The following DNER variants were observed in gnomAD, a reference collection of about 807,000 sequenced individuals.
The protein encoded by DNER is delta/notch like EGF repeat containing, also known as delta and Notch-like epidermal growth factor-related receptor.
A neutral mutation model predicts 78.2 loss-of-function variants in DNER; 33 were observed. That is an observed-to-expected ratio of 0.42 (90% CI 0.32 to 0.56). DNER has a LOEUF of 0.56. Ranked by LOEUF, DNER falls within the 20% of genes least tolerant of loss-of-function variation. The pLI, the probability that DNER is intolerant of heterozygous loss-of-function variation, is 0.11. For missense variants in DNER, 918 were observed against 975.3 expected (o/e 0.94, Z 0.78); for synonymous variants, 417 against 384.8 (o/e 1.08, Z -0.98).
chr2:229,481,788 A>G (rs1488971711), intron 6 of DNER, among the ~76,000 whole-genome samples: 1 of 152,206 alleles, frequency 6.6e-6, no homozygotes, highest in Non-Finnish European at 1.5e-5. Flanking sequence ...CACCCAGAGG[A>G]CCTCGTAGAA....
At chr2:229,552,336 C>A (rs1195547533) in intron 4 of DNER, among the ~76,000 whole-genome samples, 1 of 152,150 alleles carries the variant, frequency 6.6e-6, no homozygotes, top group Non-Finnish European at 1.5e-5. Flanking sequence ...AAATGTTTGG[C>A]CCAATAATAT....
intron 9 of DNER, among the ~76,000 whole-genome samples, chr2:229,410,578 C>T (rs760159434): frequency 6.6e-6 from 1 of 152,168 alleles, no homozygotes; most frequent in African/African-American, 2.4e-5. Context: ...AGACACAGCA[C>T]GTACTATTAC....
intron 7 of DNER, among the ~76,000 whole-genome samples, chr2:229,458,342 A>G (rs1471119569): frequency 6.6e-6 from 1 of 151,864 alleles, no homozygotes; most frequent in Non-Finnish European, 1.5e-5. Context: ...CCAAATATGT[A>G]GGCGCCTAAT....
chr2:229,580,587 G>T (rs1697374743), intron 4 of DNER, among the ~76,000 whole-genome samples: 1 of 151,994 alleles, frequency 6.6e-6, no homozygotes, highest in Admixed American at 6.6e-5. Flanking sequence ...CCACTATAAA[G>T]GAACAAATGG....
At chr2:229,426,737 A>G (rs1018736619) in intron 8 of DNER, among the ~76,000 whole-genome samples, 4 of 152,210 alleles carry the variant, frequency 2.6e-5, no homozygotes, top group Non-Finnish European at 5.9e-5. Flanking sequence ...GAACAGAGGC[A>G]AGCATCTGGG....
chr2:229,693,919 T>A (rs888805808), intron 1 of DNER, among the ~76,000 whole-genome samples: 7 of 152,166 alleles, frequency 4.6e-5, no homozygotes, highest in Middle Eastern at 3.2e-3. Context: ...GAAAAATGTC[T>A]CCAGGGCATG....
chr2:229,527,079 C>A (rs926906514), intron 5 of DNER, among the ~76,000 whole-genome samples: 1 of 152,142 alleles, frequency 6.6e-6, no homozygotes, highest in Admixed American at 6.5e-5. Context: ...TTGGCCTAAG[C>A]GCCTGTCCTC....
At chr2:229,609,442 A>G (rs186026512) in intron 1 of DNER, among the ~76,000 whole-genome samples, 2 of 152,300 alleles carry the variant, frequency 1.3e-5, no homozygotes, top group South Asian at 2.1e-4. Context: ...TAAATGTTCG[A>G]TAAGATTCAA....
intron 10 of DNER, among the ~76,000 whole-genome samples, chr2:229,406,391 C>T (rs1693383919): frequency 2.0e-5 from 3 of 152,068 alleles, no homozygotes; most frequent in African/African-American, 7.2e-5. Context: ...TTGTCTTACT[C>T]TCTACATTTC....
In DNER at chr2:229,358,180, T is replaced by C. The variant is rs898664391; in HGVS notation, c.*360A>G. 4 of 164,300 alleles carry C rather than the reference T, an allele frequency of 2.4e-5. No individual in the cohort carries two copies. Among genetic ancestry groups the C allele is most frequent in the African/African-American group, 9.6e-5 (4 of 41,652 alleles). 10.2% of individuals were successfully genotyped at this position (164,300 alleles called of 1,614,324 possible). On this transcript the variant is annotated 3_prime_UTR_variant, in exon 13 of 13. Transcript: ENST00000341772. ...CTACGTTACGTGGTTTTCCTAACTC[T>C]ACTCAGAAAGCCGGCACTCAAACGT...
chr2:229,597,056 CA>C (rs1697731501), intron 1 of DNER, among the ~76,000 whole-genome samples: 1 of 151,648 alleles, frequency 6.6e-6, no homozygotes, highest in South Asian at 2.1e-4. Flanking sequence ...CACATGCACG[CA>C]CACACAAATG....
intron 5 of DNER, among the ~76,000 whole-genome samples, chr2:229,530,413 T>C (rs1042953901): frequency 2.0e-5 from 3 of 152,254 alleles, no homozygotes; most frequent in Non-Finnish European, 4.4e-5. Flanking sequence ...GAGTCTCCTG[T>C]GCCCTTCTCT....
At chr2:229,365,643 C>T (rs1204049330) in intron 12 of DNER, among the ~76,000 whole-genome samples, 1 of 152,200 alleles carries the variant, frequency 6.6e-6, no homozygotes, top group Non-Finnish European at 1.5e-5. Flanking sequence ...ACCAAGTTGG[C>T]CAGGCTGGTG....
chr2:229,611,419 T>A (rs1035856122), intron 1 of DNER, among the ~76,000 whole-genome samples: 5 of 152,184 alleles, frequency 3.3e-5, no homozygotes, highest in Non-Finnish European at 7.3e-5. Flanking sequence ...ACATTAAAAG[T>A]TCTTCATAAA....
chr2:229,562,839 T>A (rs1696984505), intron 4 of DNER, among the ~76,000 whole-genome samples: 1 of 152,028 alleles, frequency 6.6e-6, no homozygotes, highest in African/African-American at 2.4e-5. Flanking sequence ...GCAAGCATTA[T>A]GTAAGGACAC....
At chr2:229,611,846 G>A (rs752820344) in intron 1 of DNER, among the ~76,000 whole-genome samples, 12 of 152,098 alleles carry the variant, frequency 7.9e-5, no homozygotes, top group Admixed American at 2.6e-4. Context: ...TGAAACCTTC[G>A]TCACACAGTG....
intron 1 of DNER, among the ~76,000 whole-genome samples, chr2:229,672,369 G>T (rs10185900): frequency 6.6e-6 from 1 of 151,702 alleles, no homozygotes. Flanking sequence ...GAAGCTCAGG[G>T]CTCCAAAGGT....
intron 8 of DNER, among the ~76,000 whole-genome samples, chr2:229,427,691 G>A (rs1463720557): frequency 6.6e-6 from 1 of 152,132 alleles, no homozygotes; most frequent in Non-Finnish European, 1.5e-5. Flanking sequence ...GAAAAGCTGT[G>A]GGTGCAAAAG....
At chr2:229,476,051 AAAG>A (rs1230452112) in intron 7 of DNER, among the ~76,000 whole-genome samples, 4 of 152,148 alleles carry the variant, frequency 2.6e-5, no homozygotes, top group Non-Finnish European at 4.4e-5. Flanking sequence ...CTAAATTGCA[AAAG>A]AAGGAGAGGG....
Sources: allele counts gnomAD v4.1 joint callset (sites outside exome capture counted in the v4.1 genomes callset), GRCh38; gene constraint gnomAD v4.1.1; transcripts MANE v1.5; gene names NCBI Gene and HGNC (gene_info 2026-07-23, HGNC 2026-07-21).